The following EPHA7 variants were observed in gnomAD, a reference collection of about 807,000 sequenced individuals.
EPHA7 encodes ephrin type-A receptor 7.
A neutral mutation model predicts 112.6 loss-of-function variants in EPHA7; 25 were observed. That is an observed-to-expected ratio of 0.22 (90% CI 0.16 to 0.31). The LOEUF is 0.31. Among genes scored for constraint, EPHA7 ranks in the 10% least tolerant of loss-of-function variants. The pLI is 1.00. For missense variants in EPHA7, 962 were observed against 1,212.6 expected, an observed-to-expected ratio of 0.79 and a Z score of 3.07; for synonymous variants, 437 against 406.5, an observed-to-expected ratio of 1.07 and a Z score of -0.90.
chr6:93,408,332 C>A (rs955427958), intron 3 of EPHA7, among the ~76,000 whole-genome samples: 5 of 152,046 alleles, frequency 3.3e-5, no homozygotes, highest in African/African-American at 4.8e-5. Flanking sequence ...CCATCACTTT[C>A]AAGTAACTGT....
intron 3 of EPHA7, among the ~76,000 whole-genome samples, chr6:93,386,627 G>A (rs1167104218): frequency 3.9e-5 from 6 of 152,288 alleles, no homozygotes; most frequent in African/African-American, 1.4e-4. Flanking sequence ...GGGAGTCTGT[G>A]TGGGAGCTCC....
At chr6:93,324,345 G>A (rs1317156084) in intron 5 of EPHA7, among the ~76,000 whole-genome samples, 1 of 151,260 alleles carries the variant, frequency 6.6e-6, no homozygotes, top group Non-Finnish European at 1.5e-5. Flanking sequence ...ATTTAAAAAA[G>A]TTTCTATCTG....
chr6:93,359,015 G>A (rs1776105248), intron 3 of EPHA7, among the ~76,000 whole-genome samples: 1 of 152,082 alleles, frequency 6.6e-6, no homozygotes, highest in African/African-American at 2.4e-5. Context: ...TCCACTAAGT[G>A]AACTTCTTTG....
chr6:93,340,707 AG>A (rs2127919714), intron 5 of EPHA7, among the ~76,000 whole-genome samples: 1 of 152,106 alleles, frequency 6.6e-6, no homozygotes, highest in East Asian at 1.9e-4. Flanking sequence ...CTAAATGACA[AG>A]GGAAACTAAT....
chr6:93,386,887 G>A (rs1777634627), intron 3 of EPHA7, among the ~76,000 whole-genome samples: 2 of 152,046 alleles, frequency 1.3e-5, no homozygotes, highest in Admixed American at 6.5e-5. Context: ...CTGGGATGGA[G>A]GGCACCAAGT....
intron 5 of EPHA7, among the ~76,000 whole-genome samples, chr6:93,291,406 C>G (rs554586637): frequency 3.3e-5 from 5 of 152,198 alleles, no homozygotes; most frequent in Admixed American, 3.3e-4. Flanking sequence ...TCTAATCACA[C>G]AGGCAAATAA....
intron 10 of EPHA7, among the ~76,000 whole-genome samples, chr6:93,258,522 T>C (rs1008861761): frequency 2.0e-5 from 3 of 151,908 alleles, no homozygotes; most frequent in Non-Finnish European, 4.4e-5. Flanking sequence ...ATAAATGAAA[T>C]TAAAACTTGA....
Position 93,419,507 on chromosome 6 carries a change from A to G in EPHA7, c.-166T>C. ...TTTAGCTTTTTTTAATTTCCCCCCC[A>G]CTCCTGTTCGCTCGCACCGTGTTTG... On this transcript the variant is annotated 5_prime_UTR_variant, in exon 1 of 17. Transcript: ENST00000369303. 1 of 515,026 alleles carries G rather than the reference A, an allele frequency of 1.9e-6. No individual in the cohort carries two copies. The highest frequency in any genetic ancestry group is 3.3e-6 in the Non-Finnish European group (1 of 300,816). The allele number at this position is 515,026 out of a possible 1,614,324, so 31.9% of individuals were successfully genotyped here. A position where few individuals can be genotyped will look rare whatever the true frequency, so the allele number is the denominator to read the frequency against.
In EPHA7 at chr6:93,336,213, C is replaced by T. The variant is rs529170418; in HGVS notation, c.1324+20504G>A. 3.9e-5 allele frequency among the ~76,000 whole-genome samples: 6 copies of T among 152,140 alleles called. No homozygotes were observed. The East Asian group carries it at 9.6e-4, about 24-fold the overall frequency. On this transcript the variant is annotated intron_variant, in intron 5 of 16. Coordinates refer to ENST00000369303, the MANE Select transcript of EPHA7 (RefSeq NM_004440.4). ...ACATAACTTATATTTTAAGGTTGCC[C>T]AATAAAATATTTCTCACAACCTCTT...
At chr6:93,339,877 C>A (rs1003376024) in intron 5 of EPHA7, among the ~76,000 whole-genome samples, 1 of 151,662 alleles carries the variant, frequency 6.6e-6, no homozygotes, top group African/African-American at 2.4e-5. Flanking sequence ...AAACTGGACC[C>A]TATTTATTTA....
At chr6:93,311,741 GC>G (rs1410258010) in intron 5 of EPHA7, among the ~76,000 whole-genome samples, 1 of 152,064 alleles carries the variant, frequency 6.6e-6, no homozygotes, top group Non-Finnish European at 1.5e-5. Context: ...AATTTACCTT[GC>G]CCAGATCTAT....
At chr6:93,403,934 T>C (rs990974231) in intron 3 of EPHA7, among the ~76,000 whole-genome samples, 1 of 152,074 alleles carries the variant, frequency 6.6e-6, no homozygotes, top group South Asian at 2.1e-4. Flanking sequence ...AATTGTTAAT[T>C]TTTTTCTTTT....
At chr6:93,404,010 G>C (rs1778564201) in intron 3 of EPHA7, among the ~76,000 whole-genome samples, 1 of 152,156 alleles carries the variant, frequency 6.6e-6, no homozygotes, top group Admixed American at 6.5e-5. Context: ...TTAAGGCAGA[G>C]TGAGAGAACA....
chr6:93,376,309 T>G (rs1304035833), intron 3 of EPHA7, among the ~76,000 whole-genome samples: 1 of 152,012 alleles, frequency 6.6e-6, no homozygotes, highest in Non-Finnish European at 1.5e-5. Context: ...TGAGCTAATT[T>G]TTAACATTAT....
intron 14 of EPHA7, among the ~76,000 whole-genome samples, chr6:93,248,498 T>C (rs937065531): frequency 2.0e-5 from 3 of 152,064 alleles, no homozygotes; most frequent in African/African-American, 7.2e-5. Flanking sequence ...TTTCTATCAG[T>C]TTATTAAACT....
rs146179649 is a variant in EPHA7 at position 93,289,087 on chromosome 6, CT to C, written c.1325-16666del. Among the ~76,000 whole-genome samples, 556 of 152,106 alleles carry C rather than the reference CT, an allele frequency of 3.7e-3. 5 individuals are homozygous for C. The highest frequency in any genetic ancestry group is 5.4e-3 in the East Asian group (28 of 5,170). On this transcript the variant is annotated intron_variant, in intron 5 of 16. Transcript: ENST00000369303. The stretch of plus-strand genomic sequence containing the variant: ...TAAAATTTCCCTCTTGGATAGGAAG[CT>C]TTTTTTCCCCCCATATAAGTTCTAG...
intron 16 of EPHA7, 106 bp downstream of exon 16, chr6:93,245,192 G>T: frequency 9.3e-7 from 1 of 1,077,946 alleles, no homozygotes; most frequent in Non-Finnish European, 1.3e-6. Context: ...TTTTTATCTT[G>T]ATTTTGGGAT....
rs192443268 is a variant in EPHA7, at chr6:93,276,915, A to G, written c.1325-4493T>C. Among the ~76,000 whole-genome samples the G allele has an allele frequency of 3.9e-5, 6 of 152,218 alleles. No homozygotes were observed. In the East Asian group the frequency reaches 9.7e-4, roughly 25 times the overall value. ...AAACAAAGAATGGATGGAAAAATATACCTGTATTTTTCAACAGTACAATGA... is the reference window on the plus strand; with the variant it reads ...AAACAAAGAATGGATGGAAAAATATGCCTGTATTTTTCAACAGTACAATGA... On this transcript the variant is annotated intron_variant, in intron 5 of 16. Coordinates refer to ENST00000369303, the MANE Select transcript of EPHA7 (RefSeq NM_004440.4).
chr6:93,240,911 G>C lies in EPHA7; in HGVS notation c.*2515C>G, dbSNP rs1306014590. The stretch of plus-strand genomic sequence containing the variant: ...GAAATCATAATGTTGATTAGGAAAA[G>C]AAACTTACAAACGAGATAGTGATGT... On this transcript the variant is annotated 3_prime_UTR_variant, in exon 17 of 17. Transcript: ENST00000369303. 1 of 209,886 alleles carries C rather than the reference G, an allele frequency of 4.8e-6. No individual in the cohort carries two copies. Among genetic ancestry groups the C allele is most frequent in the African/African-American group, 2.3e-5 (1 of 44,044 alleles). 13.0% of individuals were successfully genotyped at this position (209,886 alleles called of 1,614,324 possible). A position where few individuals can be genotyped will look rare whatever the true frequency, so the allele number is the denominator to read the frequency against.
Sources: gnomAD v4.1 joint callset for allele counts (sites outside exome capture counted in the v4.1 genomes callset) on GRCh38, gnomAD v4.1.1 for gene constraint, MANE v1.5 for transcripts, NCBI Gene and HGNC (gene_info 2026-07-23, HGNC 2026-07-21) for gene names.